The following ANGPT4 variants were observed in gnomAD, a reference collection of about 807,000 sequenced individuals.
ANGPT4 encodes the protein angiopoietin-4.
A neutral mutation model predicts 53.0 loss-of-function variants in ANGPT4; 50 were observed. The observed-to-expected ratio is 0.94, with a 90% CI of 0.75 to 1.20. The LOEUF is 1.20. Among genes scored for constraint, ANGPT4 ranks in the 50% most tolerant of loss-of-function variants. ANGPT4 has a pLI of 0.00. For synonymous variants in ANGPT4, 251 were observed against 259.7 expected (o/e 0.97, Z 0.32); for missense variants, 648 against 637.1 (o/e 1.02, Z -0.18).
At chr20:878,071 A>G in intron 7 of ANGPT4, 90 bp downstream of exon 7, 1 of 1,389,788 alleles carries the variant, frequency 7.2e-7, no homozygotes, top group Non-Finnish European at 9.7e-7. Context: ...TGACCGTTGG[A>G]GCAGACTCTG....
intron 4 of ANGPT4, among the ~76,000 whole-genome samples, chr20:883,963 T>C (rs143269008): frequency 2.0e-5 from 3 of 152,210 alleles, no homozygotes; most frequent in African/African-American, 7.2e-5. Flanking sequence ...CAGACTGAGA[T>C]GGAGCCAGGG....
At chr20:913,086 G>A (rs568402321) in intron 1 of ANGPT4, among the ~76,000 whole-genome samples, 8 of 152,286 alleles carry the variant, frequency 5.3e-5, no homozygotes, top group Admixed American at 5.2e-4. Flanking sequence ...CTGTCTAGAT[G>A]AACAGAATCT....
chr20:903,367 T>A (rs1053583566), intron 1 of ANGPT4, among the ~76,000 whole-genome samples: 2 of 152,182 alleles, frequency 1.3e-5, no homozygotes, highest in African/African-American at 4.8e-5. Flanking sequence ...CTCGGGCGCA[T>A]GCAGAATCTG....
chr20:902,350 AG>A (rs1460053028), intron 1 of ANGPT4, among the ~76,000 whole-genome samples: 2 of 148,404 alleles, frequency 1.3e-5, no homozygotes, highest in Non-Finnish European at 2.9e-5. Context: ...TAAAAAAAAA[AG>A]GACATGCTTT....
chr20:885,830 T>C (rs1489713373), intron 3 of ANGPT4, among the ~76,000 whole-genome samples: 2 of 152,196 alleles, frequency 1.3e-5, no homozygotes, highest in South Asian at 2.1e-4. Context: ...TGCCCAGGAC[T>C]TGGGGCACAT....
chr20:881,313 T>A, intron 4 of ANGPT4, 27 bp from the exon 5 acceptor site: 1 of 1,606,014 alleles, frequency 6.2e-7, no homozygotes, highest in Non-Finnish European at 8.5e-7. Flanking sequence ...CAAAAGTCAG[T>A]TGGAGGTGGG....
rs74630307 is a variant in ANGPT4 at position 891,037 on chromosome 20, G to A, written c.310-669C>T. Reference sequence around the variant, plus strand: ...CTCTCTAGAATGTCAATTCCATGAAGCCAGGGACTTGGTTTTGCTCACTGC... The same window carrying A: ...CTCTCTAGAATGTCAATTCCATGAAACCAGGGACTTGGTTTTGCTCACTGC... On this transcript the variant is annotated intron_variant, in intron 1 of 8. Transcript: ENST00000381922. Among the ~76,000 whole-genome samples, 905 of 152,306 alleles carry A rather than the reference G, an allele frequency of 5.9e-3. 6 individuals are homozygous for A. Among genetic ancestry groups the A allele is most frequent in the African/African-American group, 0.02 (849 of 41,556 alleles).
chr20:902,823 G>C (rs934058976), intron 1 of ANGPT4, among the ~76,000 whole-genome samples: 2 of 152,186 alleles, frequency 1.3e-5, no homozygotes, highest in Non-Finnish European at 2.9e-5. Flanking sequence ...GGTGTCCCCA[G>C]TAGGCTACCA....
chr20:912,331 C>G (rs1982735365), intron 1 of ANGPT4, among the ~76,000 whole-genome samples: 2 of 152,168 alleles, frequency 1.3e-5, no homozygotes, highest in Non-Finnish European at 2.9e-5. Context: ...CTCCTCCCAG[C>G]CTCCGGATTA....
In ANGPT4 at chr20:908,333, T is replaced by C. The variant is rs1982562283; in HGVS notation, c.309+7573A>G. Reference sequence around the variant, plus strand: ...TGCACTGTAGACACACTGAATGCCTTTTGCTTTTGGCCCATTCTACCCCCA... The same window carrying C: ...TGCACTGTAGACACACTGAATGCCTCTTGCTTTTGGCCCATTCTACCCCCA... On this transcript the variant is annotated intron_variant, in intron 1 of 8. Transcript: ENST00000381922. This position sits in a 1 kb window ranked among gnomAD's most constrained non-coding sequence, Gnocchi z 4.9. 6.6e-6 allele frequency among the ~76,000 whole-genome samples: 1 copy of C among 152,136 alleles called. No homozygotes were observed. Among genetic ancestry groups the C allele is most frequent in the African/African-American group, 2.4e-5 (1 of 41,432 alleles).
At chr20:894,473 T>C (rs989458283) in intron 1 of ANGPT4, among the ~76,000 whole-genome samples, 1 of 152,080 alleles carries the variant, frequency 6.6e-6, no homozygotes, top group Non-Finnish European at 1.5e-5. Context: ...GAGCATGGGC[T>C]AGCAGGCTGG....
At position 896,043 on chromosome 20, in the gene ANGPT4, C is replaced by T. The variant is rs141330163; in HGVS notation, c.310-5675G>A. ...TGTGAAAAGGGTAGATTTTGCTGTACGTGGGTCATACCTCAGTAAAAAACA... is the reference window on the plus strand; with the variant it reads ...TGTGAAAAGGGTAGATTTTGCTGTATGTGGGTCATACCTCAGTAAAAAACA... On this transcript the variant is annotated intron_variant, in intron 1 of 8. Transcript: ENST00000381922. 1.7e-3 allele frequency among the ~76,000 whole-genome samples: 261 copies of T among 152,132 alleles called. 7 individuals are homozygous for T. The East Asian group carries it at 0.041, about 24-fold the overall frequency.
chr20:892,016 T>G (rs1049566055), intron 1 of ANGPT4, among the ~76,000 whole-genome samples: 3 of 152,132 alleles, frequency 2.0e-5, no homozygotes, highest in Non-Finnish European at 2.9e-5. Flanking sequence ...TGAGAGCCCT[T>G]GATGCAGAGT....
At chr20:906,400 G>GA (rs1469141493) in intron 1 of ANGPT4, among the ~76,000 whole-genome samples, 1 of 152,192 alleles carries the variant, frequency 6.6e-6, no homozygotes, top group Non-Finnish European at 1.5e-5. Flanking sequence ...GCAACCACAT[G>GA]AAAAAAACCC....
intron 1 of ANGPT4, among the ~76,000 whole-genome samples, chr20:890,977 CTA>C: frequency 6.6e-6 from 1 of 152,344 alleles, no homozygotes; most frequent in South Asian, 2.1e-4. Context: ...TTTAAAATCA[CTA>C]TCTCTCTTTT....
chr20:904,115 G>A (rs1982390831), intron 1 of ANGPT4, among the ~76,000 whole-genome samples: 1 of 152,180 alleles, frequency 6.6e-6, no homozygotes, highest in Non-Finnish European at 1.5e-5. Flanking sequence ...TCGAATGGGT[G>A]ATATAAACAC....
In ANGPT4 at chr20:916,312, G is replaced by C. The variant is rs1982945801; in HGVS notation, c.-98C>G. 9.0e-6 allele frequency: 12 copies of C among 1,328,088 alleles called. No individual in the cohort carries two copies. Among genetic ancestry groups the C allele is most frequent in the Non-Finnish European group, 1.1e-5 (11 of 965,680 alleles). The allele number at this position is 1,328,088 out of a possible 1,614,324, so 82.3% of individuals were successfully genotyped here. A position where few individuals can be genotyped will look rare whatever the true frequency, so the allele number is the denominator to read the frequency against. On this transcript the variant is annotated 5_prime_UTR_variant, in exon 1 of 9. Transcript: ENST00000381922. ...CCAACAGTGGCCAGGCTTGCCTGCA[G>C]CTGCAGCTACAAACCTCTGTCTGGC...
At position 885,194 on chromosome 20, in the gene ANGPT4, C is replaced by T. The variant is rs1244256069; in HGVS notation, c.719G>A (p.Gly240Asp). ...GGAGTTGTGCCTGACACCGCGCAGGCCGCGCTCGATGTTGGTGAGGGCGGC... is the reference window on the plus strand; with the variant it reads ...GGAGTTGTGCCTGACACCGCGCAGGTCGCGCTCGATGTTGGTGAGGGCGGC... ...QSAALTNIER[G>D]LRGVRHNSSL... The change falls in exon 4 of 9, where the codon GGC (glycine) becomes GAC (aspartate). Residue 240 changes from glycine (G) to aspartate (D), a missense_variant. Physicochemically the swap from Gly to Asp is moderately conservative, Grantham distance 94. Coordinates refer to ENST00000381922, the MANE Select transcript of ANGPT4 (RefSeq NM_015985.4). 6.9e-6 allele frequency: 11 copies of T among 1,600,378 alleles called. No homozygotes were observed. The highest frequency in any genetic ancestry group is 9.4e-6 in the Non-Finnish European group (11 of 1,173,594).
At chr20:876,862 C>T (rs144551563) in intron 7 of ANGPT4, among the ~76,000 whole-genome samples, 68 of 151,452 alleles carry the variant, frequency 4.5e-4, no homozygotes, top group African/African-American at 1.6e-3. Context: ...ACCTGGGCAA[C>T]ATAGGGAAAC....
Sources: allele counts gnomAD v4.1 joint callset (sites outside exome capture counted in the v4.1 genomes callset), GRCh38; gene constraint gnomAD v4.1.1; non-coding constraint Gnocchi (gnomAD v3.1); transcripts MANE v1.5; gene names NCBI Gene and HGNC (gene_info 2026-07-23, HGNC 2026-07-21).